The following RBMS2 variants were observed in gnomAD, a reference collection of about 807,000 sequenced individuals.
RBMS2 encodes the protein RNA-binding motif, single-stranded-interacting protein 2.
A neutral mutation model predicts 58.4 loss-of-function variants in RBMS2; 38 were observed. The observed-to-expected ratio is 0.65, with a 90% CI of 0.50 to 0.85. The LOEUF is 0.85. RBMS2 is among the 40% of genes least tolerant of loss of function. RBMS2 has a pLI of 0.00. For synonymous variants in RBMS2, 151 were observed against 180.7 expected (o/e 0.84, Z 1.32); for missense variants, 367 against 503.7 (o/e 0.73, Z 2.60).
chr12:56,596,138 A>G lies in RBMS2; in HGVS notation c.*7005A>G, dbSNP rs1885798726. Reference sequence around the variant, plus strand: ...ACTGTACATTATCAAAAAGTCACTAAAACACCACATTTGGTTATATAAAAA... The same window carrying G: ...ACTGTACATTATCAAAAAGTCACTAGAACACCACATTTGGTTATATAAAAA... On this transcript the variant is annotated 3_prime_UTR_variant, in exon 14 of 14. Coordinates refer to ENST00000262031, the MANE Select transcript of RBMS2 (RefSeq NM_002898.4). 1 of 152,742 alleles carries G rather than the reference A, an allele frequency of 6.5e-6. No individual in the cohort carries two copies. The allele number at this position is 152,742 out of a possible 1,614,324, so 9.5% of individuals were successfully genotyped here.
In RBMS2 at chr12:56,581,988, G is replaced by A. The variant is rs139913306; in HGVS notation, c.780-71G>A. The A allele has an allele frequency of 1.3e-4, 199 of 1,564,074 alleles. No individual in the cohort carries two copies. The African/African-American group carries it at 2.2e-3, about 17-fold the overall frequency. On this transcript the variant is annotated intron_variant, in intron 8 of 13. Coordinates refer to ENST00000262031, the MANE Select transcript of RBMS2 (RefSeq NM_002898.4). The stretch of plus-strand genomic sequence containing the variant: ...TTTGAAAGTCAAGGGAACGTTGGCT[G>A]TGCCTATCAGTTGGGACCCTTCCCT...
rs575865908 is a variant in RBMS2, at chr12:56,538,328, C to G, written c.66+16239C>G. On this transcript the variant is annotated intron_variant, in intron 1 of 13. Transcript: ENST00000262031. Reference sequence around the variant, plus strand: ...GAATTACAGGCATGAGCCACCACACCCGGCCCATCTTTGGGATTTTGATAG... The same window carrying G: ...GAATTACAGGCATGAGCCACCACACGCGGCCCATCTTTGGGATTTTGATAG... 1.6e-4 allele frequency among the ~76,000 whole-genome samples: 25 copies of G among 152,148 alleles called. No individual in the cohort carries two copies. The East Asian group carries it at 4.3e-3, about 26-fold the overall frequency.
At chr12:56,534,586 A>G (rs1237200186) in intron 1 of RBMS2, among the ~76,000 whole-genome samples, 1 of 152,010 alleles carries the variant, frequency 6.6e-6, no homozygotes, top group Non-Finnish European at 1.5e-5. Flanking sequence ...CTACCACTCC[A>G]CCAAAACTGC....
At chr12:56,580,344 C>CA (rs1176703141) in intron 5 of RBMS2, 3 of 395,058 alleles carry the variant, frequency 7.6e-6, no homozygotes, top group African/African-American at 6.6e-5. Flanking sequence ...GCGATTCTCT[C>CA]ACCTCTGCCT....
intron 7 of RBMS2, 65 bp downstream of exon 7, chr12:56,581,573 C>A: frequency 1.3e-6 from 2 of 1,488,534 alleles, no homozygotes; most frequent in Non-Finnish European, 1.9e-6. Flanking sequence ...ATGATCATGG[C>A]ATGATTTCTG....
chr12:56,545,145 A>G (rs994196424), intron 1 of RBMS2, among the ~76,000 whole-genome samples: 1 of 152,096 alleles, frequency 6.6e-6, no homozygotes, highest in African/African-American at 2.4e-5. Flanking sequence ...GCTCTCATTT[A>G]TAAGTGAGAA....
intron 1 of RBMS2, among the ~76,000 whole-genome samples, chr12:56,537,423 T>G (rs1027265143): frequency 2.6e-5 from 4 of 152,214 alleles, no homozygotes; most frequent in African/African-American, 9.7e-5. Context: ...CCTATGTACC[T>G]TATGTAAGTG....
chr12:56,524,242 A>G (rs566779785), intron 1 of RBMS2, among the ~76,000 whole-genome samples: 2 of 152,238 alleles, frequency 1.3e-5, no homozygotes, highest in South Asian at 2.1e-4. Flanking sequence ...TGGGGAGGAT[A>G]GGTAGATACA....
In RBMS2 at chr12:56,593,100, T is replaced by C. The variant is rs1885420240; in HGVS notation, c.*3967T>C. On this transcript the variant is annotated 3_prime_UTR_variant, in exon 14 of 14. Coordinates refer to ENST00000262031, the MANE Select transcript of RBMS2 (RefSeq NM_002898.4). ...TGATTACAGGTGTGAGCCTCCATGCTTGGATGAGATGTTGTTTTTAATGTT... is the reference window on the plus strand; with the variant it reads ...TGATTACAGGTGTGAGCCTCCATGCCTGGATGAGATGTTGTTTTTAATGTT... 6.6e-6 allele frequency: 1 copy of C among 151,616 alleles called. No homozygotes were observed. Among genetic ancestry groups the C allele is most frequent in the African/African-American group, 2.4e-5 (1 of 41,196 alleles). The allele number at this position is 151,616 out of a possible 1,614,324, so 9.4% of individuals were successfully genotyped here.
chr12:56,541,111 A>AAAC (rs897217700), intron 1 of RBMS2, among the ~76,000 whole-genome samples: 3 of 151,854 alleles, frequency 2.0e-5, no homozygotes, highest in African/African-American at 4.8e-5. Flanking sequence ...AAAAAAAAAA[A>AAAC]AAAACCCCAA....
chr12:56,538,189 T>C (rs2694912), intron 1 of RBMS2, among the ~76,000 whole-genome samples: 92,445 of 151,650 alleles, frequency 0.61, 28,555 homozygotes, highest in East Asian at 0.72. Context: ...TGCACCACCA[T>C]GCCCAGCTAA....
intron 9 of RBMS2, among the ~76,000 whole-genome samples, chr12:56,583,992 T>C (rs929906121): frequency 1.3e-5 from 2 of 152,224 alleles, no homozygotes; most frequent in African/African-American, 2.4e-5. Context: ...AAAACTGGAT[T>C]GCTGGGCACC....
intron 2 of RBMS2, among the ~76,000 whole-genome samples, chr12:56,565,045 T>C (rs1455049137): frequency 6.6e-6 from 1 of 152,144 alleles, no homozygotes; most frequent in Non-Finnish European, 1.5e-5. Flanking sequence ...TAAAATGGTG[T>C]AGTATTTGCA....
intron 5 of RBMS2, among the ~76,000 whole-genome samples, chr12:56,573,743 G>C (rs892296107): frequency 6.6e-6 from 1 of 150,518 alleles, no homozygotes; most frequent in African/African-American, 2.5e-5. Flanking sequence ...GTAACTGAAT[G>C]GTCCACACTT....
At chr12:56,562,814 G>A (rs1880666152) in intron 2 of RBMS2, among the ~76,000 whole-genome samples, 1 of 152,150 alleles carries the variant, frequency 6.6e-6, no homozygotes, top group Non-Finnish European at 1.5e-5. Context: ...TTTCTCAGCA[G>A]CCTCTTAAAA....
chr12:56,522,036 G>C lies in RBMS2; in HGVS notation c.13G>C (p.Val5Leu). 1.3e-6 allele frequency: 2 copies of C among 1,568,550 alleles called. No individual in the cohort carries two copies. Among genetic ancestry groups the C allele is most frequent in the Non-Finnish European group, 1.7e-6 (2 of 1,148,814 alleles). ...CATTAAAGAGAAAATGCTGCTATCC[G>C]TGACTTCCAGGCCCGGGATTTCGAC... MLLS[V>L]TSRPGISTFG... Residue 5 changes from valine to leucine, a missense_variant, in exon 1 of 14, where the codon GTG (valine) becomes CTG (leucine). Val to Leu is a conservative substitution (Grantham distance 32, BLOSUM62 1). Around this residue, in one of 3 missense-constraint regions of RBMS2, gnomAD observed 93 missense variants for 132.2 expected, o/e 0.70. Transcript: ENST00000262031.
chr12:56,571,403 G>T (rs1882267549), intron 4 of RBMS2, among the ~76,000 whole-genome samples: 1 of 152,334 alleles, frequency 6.6e-6, no homozygotes, highest in East Asian at 1.9e-4. Context: ...GGGACCGGCT[G>T]CTGGGGGAGA....
Position 56,588,276 on chromosome 12 carries a change from T to C in RBMS2, c.1063-18T>C. 6.2e-7 allele frequency: 1 copy of C among 1,606,560 alleles called. No individual in the cohort carries two copies. The highest frequency in any genetic ancestry group is 8.5e-7 in the Non-Finnish European group (1 of 1,173,118). On this transcript the variant is annotated intron_variant, in intron 11 of 13. Transcript: ENST00000262031. ...CCAAAAATCACTGCTGTAAGCCTGTTGATGTTTCTCTTTCTAGTATATGCC... is the reference window on the plus strand; with the variant it reads ...CCAAAAATCACTGCTGTAAGCCTGTCGATGTTTCTCTTTCTAGTATATGCC...
chr12:56,573,598 C>T (rs1294345720), intron 5 of RBMS2, among the ~76,000 whole-genome samples: 1 of 151,876 alleles, frequency 6.6e-6, no homozygotes, highest in African/African-American at 2.4e-5. Flanking sequence ...AGGAGAGTTC[C>T]TAGGCTTGGG....
Sources: allele counts gnomAD v4.1 joint callset (sites outside exome capture counted in the v4.1 genomes callset), GRCh38; gene constraint gnomAD v4.1.1; regional missense constraint gnomAD v4.1.1; transcripts MANE v1.5; gene names NCBI Gene and HGNC (gene_info 2026-07-23, HGNC 2026-07-21).